The following RAD51B variants were observed in gnomAD, a reference collection of about 807,000 sequenced individuals.
RAD51B encodes the protein RAD51 paralog B.
In RAD51B, 38 loss-of-function variants were observed where a neutral mutation model predicts 42.2. That is an observed-to-expected ratio of 0.90 (90% CI 0.70 to 1.18). The LOEUF (loss-of-function observed/expected upper bound fraction) is 1.18. RAD51B is among the 50% of genes most tolerant of loss of function. The pLI is 0.00. For synonymous variants in RAD51B, 154 were observed against 145.2 expected (o/e 1.06, Z -0.43); for missense variants, 373 against 400.7 (o/e 0.93, Z 0.59).
intron 7 of RAD51B, among the ~76,000 whole-genome samples, chr14:68,177,288 T>C (rs778204992): frequency 1.3e-5 from 2 of 152,200 alleles, no homozygotes; most frequent in Non-Finnish European, 2.9e-5. Flanking sequence ...AGCCTATGAC[T>C]GCTCAAGCAC....
chr14:68,303,290 G>A (rs1047547774), intron 8 of RAD51B, among the ~76,000 whole-genome samples: 1 of 151,992 alleles, frequency 6.6e-6, no homozygotes, highest in Non-Finnish European at 1.5e-5. Context: ...ATGGACACGG[G>A]GAGAGAAACA....
At chr14:68,503,635 C>T (rs1314785820) in intron 10 of RAD51B, among the ~76,000 whole-genome samples, 1 of 152,230 alleles carries the variant, frequency 6.6e-6, no homozygotes, top group Non-Finnish European at 1.5e-5. Flanking sequence ...ATTCAACCCT[C>T]AGGCAGCCTG....
intron 10 of RAD51B, among the ~76,000 whole-genome samples, chr14:68,633,409 C>A (rs918483598): frequency 3.3e-5 from 5 of 152,068 alleles, no homozygotes; most frequent in African/African-American, 9.7e-5. Context: ...ACGCCTTCCC[C>A]CAAACGGCTG....
chr14:68,198,469 G>C (rs973687014), intron 7 of RAD51B, among the ~76,000 whole-genome samples: 1 of 152,064 alleles, frequency 6.6e-6, no homozygotes, highest in African/African-American at 2.4e-5. Context: ...TGAAAATTTT[G>C]AGAAAAAACT....
intron 9 of RAD51B, among the ~76,000 whole-genome samples, chr14:68,462,015 C>T (rs1259295510): frequency 1.3e-5 from 2 of 152,156 alleles, no homozygotes; most frequent in African/African-American, 4.8e-5. Flanking sequence ...TGAAAAGCAC[C>T]GTATTGGGCC....
chr14:68,061,053 CT>C (rs755916680), intron 7 of RAD51B, among the ~76,000 whole-genome samples: 1,173 of 101,260 alleles, frequency 0.012, 3 homozygotes, highest in Middle Eastern at 0.025. Context: ...TATTTGAGGT[CT>C]TTTTTTTTTT....
chr14:68,516,106 T>C (rs1244576128), intron 10 of RAD51B, among the ~76,000 whole-genome samples: 1 of 152,194 alleles, frequency 6.6e-6, no homozygotes, highest in Non-Finnish European at 1.5e-5. Flanking sequence ...CCCATTTCTT[T>C]AGGCTGGCAA....
intron 7 of RAD51B, among the ~76,000 whole-genome samples, chr14:68,177,223 T>G (rs1031814628): frequency 2.6e-5 from 4 of 152,200 alleles, no homozygotes; most frequent in African/African-American, 9.7e-5. Flanking sequence ...CTCTAAAACT[T>G]TTAAAAGCAC....
chr14:68,290,781 ATTTTATTTATTTAT>A (rs1334412288), intron 7 of RAD51B, among the ~76,000 whole-genome samples: 2 of 136,768 alleles, frequency 1.5e-5, no homozygotes, highest in Non-Finnish European at 3.2e-5. Context: ...TCCAAATTTT[ATTTTATTTATTTAT>A]TTTTATTTAT....
At chr14:67,988,840 A>G (rs1277554894) in intron 7 of RAD51B, among the ~76,000 whole-genome samples, 1 of 152,246 alleles carries the variant, frequency 6.6e-6, no homozygotes, top group Non-Finnish European at 1.5e-5. Context: ...TTAGACTATT[A>G]TAATGTGGTT....
intron 7 of RAD51B, among the ~76,000 whole-genome samples, chr14:67,922,950 C>CA (rs376256460): frequency 3.9e-4 from 60 of 152,316 alleles, no homozygotes; most frequent in African/African-American, 1.1e-3. Flanking sequence ...CTCAGCCTCT[C>CA]AAAGTGCTGG....
intron 5 of RAD51B, among the ~76,000 whole-genome samples, chr14:67,882,442 T>C (rs2042936227): frequency 6.6e-6 from 1 of 152,244 alleles, no homozygotes; most frequent in Admixed American, 6.5e-5. Context: ...ACTCAATCCC[T>C]AATATCATCT....
chr14:68,588,604 G>A (rs756636527), intron 10 of RAD51B, among the ~76,000 whole-genome samples: 10 of 152,156 alleles, frequency 6.6e-5, no homozygotes, highest in Non-Finnish European at 1.3e-4. Flanking sequence ...CTGGGGACAG[G>A]GGCATTCCAG....
At chr14:68,032,453 T>G (rs1016166002) in intron 7 of RAD51B, among the ~76,000 whole-genome samples, 3 of 152,154 alleles carry the variant, frequency 2.0e-5, no homozygotes, top group Admixed American at 6.6e-5. Flanking sequence ...CCCCTTTCTC[T>G]CCAAATTTGC....
chr14:68,558,085 G>A (rs1242004863), intron 10 of RAD51B, among the ~76,000 whole-genome samples: 5 of 152,174 alleles, frequency 3.3e-5, no homozygotes, highest in Non-Finnish European at 5.9e-5. Context: ...TGCTGTTCTC[G>A]TCCTCTCTCA....
At chr14:67,901,072 G>T (rs1422921847) in intron 7 of RAD51B, among the ~76,000 whole-genome samples, 5 of 152,178 alleles carry the variant, frequency 3.3e-5, no homozygotes, top group Admixed American at 2.6e-4. Context: ...AAAGCAGGTT[G>T]CCAGAAATAG....
chr14:68,445,474 A>G (rs2085400855), intron 9 of RAD51B, among the ~76,000 whole-genome samples: 2 of 152,244 alleles, frequency 1.3e-5, no homozygotes, highest in Non-Finnish European at 2.9e-5. Flanking sequence ...TGCATTTATT[A>G]TCAACATCTT....
At chr14:68,166,606 G>C (rs1293507522) in intron 7 of RAD51B, among the ~76,000 whole-genome samples, 1 of 152,060 alleles carries the variant, frequency 6.6e-6, no homozygotes, top group African/African-American at 2.4e-5. Context: ...TGGTTAGTAG[G>C]CTAAACTAAC....
chr14:68,596,263 CT>C (rs917535334), downstream of RAD51B, among the ~76,000 whole-genome samples: 5 of 150,334 alleles, frequency 3.3e-5, no homozygotes, highest in Non-Finnish European at 4.4e-5. Flanking sequence ...CGTACCCAAA[CT>C]TTTTTTTTTC....
Sources: gnomAD v4.1 joint callset for allele counts (sites outside exome capture counted in the v4.1 genomes callset) on GRCh38, gnomAD v4.1.1 for gene constraint, MANE v1.5 for transcripts, NCBI Gene and HGNC (gene_info 2026-07-23, HGNC 2026-07-21) for gene names.